TRDN: variants seen among roughly 807,000 people sequenced by gnomAD.
TRDN encodes triadin in skeletal muscle.
In TRDN, 161 loss-of-function variants were observed where a neutral mutation model predicts 149.7. The observed-to-expected ratio is 1.08, with a 90% CI of 0.95 to 1.23. The LOEUF is 1.23. TRDN is among the 50% of genes most tolerant of loss of function. TRDN has a pLI of 0.00. For synonymous variants in TRDN, 294 were observed against 250.5 expected (o/e 1.17, Z -1.64); for missense variants, 896 against 823.5 (o/e 1.09, Z -1.08).
intron 38 of TRDN, among the ~76,000 whole-genome samples, chr6:123,239,463 A>G (rs1775908787): frequency 6.6e-6 from 1 of 152,146 alleles, no homozygotes; most frequent in Admixed American, 6.6e-5. Flanking sequence ...AATCTTCTCA[A>G]TCATATATAC....
At chr6:123,257,221 G>A (rs374642620) in intron 35 of TRDN, among the ~76,000 whole-genome samples, 13 of 151,978 alleles carry the variant, frequency 8.6e-5, no homozygotes, top group East Asian at 1.9e-4. Context: ...CTCGTGATCC[G>A]CCCACATCAG....
intron 12 of TRDN, among the ~76,000 whole-genome samples, chr6:123,409,964 T>C (rs1267653354): frequency 6.6e-6 from 1 of 152,156 alleles, no homozygotes; most frequent in Non-Finnish European, 1.5e-5. Flanking sequence ...GGGTTGACTT[T>C]AAACAATTGG....
intron 24 of TRDN, among the ~76,000 whole-genome samples, chr6:123,282,378 T>A (rs1354133284): frequency 6.6e-6 from 1 of 151,980 alleles, no homozygotes; most frequent in Non-Finnish European, 1.5e-5. Context: ...AGATGATTAA[T>A]CAACAGTGAT....
intron 24 of TRDN, among the ~76,000 whole-genome samples, chr6:123,295,260 C>A (rs1043453478): frequency 6.6e-6 from 1 of 152,158 alleles, no homozygotes. Flanking sequence ...CCTTAATATG[C>A]ATGCAATTAA....
At chr6:123,309,571 C>T (rs1778737374) in intron 24 of TRDN, among the ~76,000 whole-genome samples, 1 of 151,974 alleles carries the variant, frequency 6.6e-6, no homozygotes, top group African/African-American at 2.4e-5. Context: ...AAAGCCAACA[C>T]TGGTTCCATC....
At chr6:123,424,548 T>C (rs1204284525) in intron 12 of TRDN, among the ~76,000 whole-genome samples, 2 of 152,112 alleles carry the variant, frequency 1.3e-5, no homozygotes, top group Admixed American at 1.3e-4. Flanking sequence ...TTTGATAAAA[T>C]TTGAGTGAAG....
intron 19 of TRDN, 144 bp downstream of exon 19, chr6:123,375,461 T>G: frequency 1.6e-6 from 1 of 614,078 alleles, no homozygotes; most frequent in South Asian, 2.2e-5. Flanking sequence ...GGATAAGTAA[T>G]ATTGCATATT....
intron 12 of TRDN, among the ~76,000 whole-genome samples, chr6:123,433,132 C>G (rs1001342936): frequency 8.2e-6 from 1 of 121,686 alleles, no homozygotes; most frequent in East Asian, 3.0e-4. Flanking sequence ...CCCCTTCCCC[C>G]ACACATCATA....
chr6:123,217,874 C>T lies in TRDN; in HGVS notation c.*727G>A, dbSNP rs144067338. 17 of 152,088 alleles carry T rather than the reference C, an allele frequency of 1.1e-4. No homozygotes were observed. Among genetic ancestry groups the T allele is most frequent in the Admixed American group, 2.6e-4 (4 of 15,252 alleles). The allele number at this position is 152,088 out of a possible 1,614,324, so 9.4% of individuals were successfully genotyped here. On this transcript the variant is annotated 3_prime_UTR_variant, in exon 41 of 41. Transcript: ENST00000334268. ...TTGCTAATATTTTAAACAAACGATT[C>T]ACCAGACCTGACTAATTGAATGGTG...
intron 24 of TRDN, among the ~76,000 whole-genome samples, chr6:123,298,883 A>G (rs1047727503): frequency 1.3e-5 from 2 of 152,040 alleles, no homozygotes; most frequent in Non-Finnish European, 2.9e-5. Context: ...GCTTTGGGAT[A>G]TGTGAAAACA....
At chr6:123,578,519 T>A (rs1195949244) in intron 1 of TRDN, among the ~76,000 whole-genome samples, 2 of 152,182 alleles carry the variant, frequency 1.3e-5, no homozygotes, top group African/African-American at 4.8e-5. Context: ...TCTATGTGAC[T>A]GTTTTTGTAT....
chr6:123,308,728 G>A (rs1244928636), intron 24 of TRDN, among the ~76,000 whole-genome samples: 1 of 151,892 alleles, frequency 6.6e-6, no homozygotes, highest in Non-Finnish European at 1.5e-5. Flanking sequence ...TAGTTATACA[G>A]AACTAATGTC....
At chr6:123,598,853 T>C (rs1784153812) in intron 1 of TRDN, among the ~76,000 whole-genome samples, 1 of 152,092 alleles carries the variant, frequency 6.6e-6, no homozygotes, top group African/African-American at 2.4e-5. Context: ...AAGTATTACA[T>C]GTTTTTTAAA....
intron 23 of TRDN, among the ~76,000 whole-genome samples, chr6:123,318,018 G>C (rs1464671742): frequency 1.3e-5 from 2 of 151,878 alleles, no homozygotes; most frequent in Non-Finnish European, 2.9e-5. Flanking sequence ...AATATGGCCT[G>C]CAACAATTCA....
chr6:123,247,564 G>A (rs1448631485), intron 38 of TRDN, among the ~76,000 whole-genome samples: 1 of 152,068 alleles, frequency 6.6e-6, no homozygotes, highest in Non-Finnish European at 1.5e-5. Context: ...ACCTCTTCAA[G>A]GAGAACTACA....
Position 123,255,904 on chromosome 6 carries a change from T to C in TRDN, c.1871-2A>G, listed in dbSNP as rs1483354092. On this transcript the variant is annotated splice_acceptor_variant, in intron 35 of 40. Coordinates refer to ENST00000334268, the MANE Select transcript of TRDN (RefSeq NM_006073.4). LOFTEE classifies it high-confidence loss of function. ...TAAGATGCTTCATGTCTGCTTTTTC[T>C]GTATAGAAGAAACAGTAACAGGGTA... 2 of 1,295,594 alleles carry C rather than the reference T, an allele frequency of 1.5e-6. No individual in the cohort carries two copies. Among genetic ancestry groups the C allele is most frequent in the South Asian group, 2.2e-5 (1 of 46,278 alleles). The allele number at this position is 1,295,594 out of a possible 1,614,324, so 80.3% of individuals were successfully genotyped here. A position where few individuals can be genotyped will look rare whatever the true frequency, so the allele number is the denominator to read the frequency against.
intron 21 of TRDN, 140 bp from the exon 22 acceptor site, chr6:123,337,809 C>A (rs901924490): frequency 6.0e-5 from 30 of 501,116 alleles, no homozygotes; most frequent in Non-Finnish European, 1.0e-4. Flanking sequence ...TGTCTCCAGG[C>A]ATATGTTGTC....
intron 12 of TRDN, among the ~76,000 whole-genome samples, chr6:123,419,253 A>T (rs968905450): frequency 9.2e-5 from 14 of 152,196 alleles, no homozygotes; most frequent in Admixed American, 4.6e-4. Flanking sequence ...GCCTATAAGC[A>T]GGATTTATGG....
At chr6:123,429,378 A>C (rs1348879560) in intron 12 of TRDN, among the ~76,000 whole-genome samples, 2 of 152,204 alleles carry the variant, frequency 1.3e-5, no homozygotes, top group African/African-American at 2.4e-5. Context: ...AAATGAATCT[A>C]TACTGGCAGA....
Sources: gnomAD v4.1 joint callset for allele counts (sites outside exome capture counted in the v4.1 genomes callset) on GRCh38, gnomAD v4.1.1 for gene constraint, MANE v1.5 for transcripts, NCBI Gene and HGNC (gene_info 2026-07-23, HGNC 2026-07-21) for gene names.